LARGE1: variants seen among roughly 807,000 people sequenced by gnomAD.
LARGE1 encodes LARGE xylosyl- and glucuronyltransferase 1, also known as xylosyl- and glucuronyltransferase LARGE1.
A neutral mutation model predicts 87.6 loss-of-function variants in LARGE1; 43 were observed. The observed-to-expected ratio is 0.49, with a 90% CI of 0.38 to 0.63. The LOEUF (loss-of-function observed/expected upper bound fraction) is 0.63, where lower values mean the gene tolerates loss of function less well. LARGE1 is among the 30% of genes least tolerant of loss of function. LARGE1 has a pLI of 0.00. For missense variants in LARGE1, 802 were observed against 1,000.2 expected (o/e 0.80, Z 2.67); for synonymous variants, 434 against 394.6 (o/e 1.10, Z -1.18).
At chr22:33,746,968 A>AC (rs1228183614) in intron 2 of LARGE1, among the ~76,000 whole-genome samples, 1 of 152,112 alleles carries the variant, frequency 6.6e-6, no homozygotes, top group East Asian at 1.9e-4. Flanking sequence ...CCCCTGAGGA[A>AC]CCCCATTTAG....
intron 2 of LARGE1, among the ~76,000 whole-genome samples, chr22:33,663,515 G>A (rs1419412426): frequency 6.6e-6 from 1 of 152,136 alleles, no homozygotes; most frequent in Admixed American, 6.5e-5. Flanking sequence ...GAGGACCAAG[G>A]GGAAGCCTAT....
intron 13 of LARGE1, among the ~76,000 whole-genome samples, chr22:33,278,726 T>C (rs1929843272): frequency 6.6e-6 from 1 of 152,102 alleles, no homozygotes; most frequent in African/African-American, 2.4e-5. Context: ...CTTTTTTTAT[T>C]TTTTTATTTT....
At chr22:33,706,018 A>T (rs1412532237) in intron 2 of LARGE1, among the ~76,000 whole-genome samples, 1 of 152,246 alleles carries the variant, frequency 6.6e-6, no homozygotes, top group African/African-American at 2.4e-5. Context: ...AAACACATCC[A>T]TCAATAAATG....
intron 2 of LARGE1, among the ~76,000 whole-genome samples, chr22:33,754,893 A>G (rs1408188978): frequency 6.6e-6 from 1 of 151,920 alleles, no homozygotes; most frequent in African/African-American, 2.4e-5. Flanking sequence ...CTTCCAGCAC[A>G]CTCTCTGGGA....
intron 11 of LARGE1, among the ~76,000 whole-genome samples, chr22:33,195,419 C>T (rs1602074120): frequency 6.6e-6 from 1 of 151,968 alleles, no homozygotes; most frequent in Non-Finnish European, 1.5e-5. Context: ...TCATTATTGG[C>T]TATATTTGGG....
chr22:33,216,064 G>A (rs1469333252), intron 11 of LARGE1, among the ~76,000 whole-genome samples: 1 of 152,158 alleles, frequency 6.6e-6, no homozygotes, highest in Non-Finnish European at 1.5e-5. Context: ...TTTCCATATA[G>A]ATAATCAGTT....
At chr22:33,250,446 C>T (rs113245122) in intron 11 of LARGE1, among the ~76,000 whole-genome samples, 46 of 152,210 alleles carry the variant, frequency 3.0e-4, no homozygotes, top group African/African-American at 1.1e-3. Flanking sequence ...TCTACACAGA[C>T]AATCATGTCA....
At chr22:33,781,879 GA>G (rs1410280318) in intron 1 of LARGE1, among the ~76,000 whole-genome samples, 2 of 152,116 alleles carry the variant, frequency 1.3e-5, no homozygotes, top group Non-Finnish European at 2.9e-5. Context: ...GTGGATAACA[GA>G]AAGCAGCAAG....
chr22:33,191,639 T>C (rs1338147268), intron 11 of LARGE1, among the ~76,000 whole-genome samples: 1 of 152,244 alleles, frequency 6.6e-6, no homozygotes, highest in Non-Finnish European at 1.5e-5. Context: ...GTTGAAATGT[T>C]GGCCAGTGGT....
rs544477961 is a variant in LARGE1, at chr22:33,243,914, A to G, written c.1730+60315T>C. Among the ~76,000 whole-genome samples the G allele has an allele frequency of 6.6e-5, 10 of 152,324 alleles. No individual in the cohort carries two copies. In the South Asian group the frequency reaches 2.1e-3, roughly 32 times the overall value. On this transcript the variant is annotated intron_variant, in intron 11 of 11. Transcript: ENST00000608642. Reference sequence around the variant, plus strand: ...AAAGTCCTGAAACCCACTCCAGGCAAAAGTGTAGGTATCATCATTCCAATA... The same window carrying G: ...AAAGTCCTGAAACCCACTCCAGGCAGAAGTGTAGGTATCATCATTCCAATA...
rs537267118 is a variant in LARGE1, at chr22:33,555,754, C to A, written c.787+9094G>T. On this transcript the variant is annotated intron_variant, in intron 6 of 14. Coordinates refer to ENST00000397394, the MANE Select transcript of LARGE1 (RefSeq NM_133642.5). ...GACCAGCCTGGCCAACATGGTGAAACCCCATCTCTACTAAAACTACAAAAA... is the reference window on the plus strand; with the variant it reads ...GACCAGCCTGGCCAACATGGTGAAAACCCATCTCTACTAAAACTACAAAAA... Among the ~76,000 whole-genome samples, 37 of 151,716 alleles carry A rather than the reference C, an allele frequency of 2.4e-4. 2 individuals carry two copies. The South Asian group carries it at 2.5e-3, about 10-fold the overall frequency.
intron 1 of LARGE1, among the ~76,000 whole-genome samples, chr22:33,856,386 C>T (rs5749683): frequency 0.81 from 122,886 of 152,150 alleles, 49,764 homozygotes; most frequent in South Asian, 0.88. Flanking sequence ...GAGGTCCATA[C>T]GAAGAGGCTG....
At chr22:33,749,215 A>G (rs566664279) in intron 2 of LARGE1, among the ~76,000 whole-genome samples, 3 of 152,224 alleles carry the variant, frequency 2.0e-5, no homozygotes, top group African/African-American at 7.2e-5. Flanking sequence ...CCTGGGTTCA[A>G]GCGATTCTCC....
chr22:33,664,049 C>G (rs547159099), intron 2 of LARGE1, among the ~76,000 whole-genome samples: 2 of 152,164 alleles, frequency 1.3e-5, no homozygotes, highest in Admixed American at 1.3e-4. Context: ...GTGGCTCTCA[C>G]CCCATGTGTA....
chr22:33,766,669 C>T (rs2084910704), intron 1 of LARGE1, among the ~76,000 whole-genome samples: 1 of 151,878 alleles, frequency 6.6e-6, no homozygotes, highest in East Asian at 2.0e-4. Context: ...AGGTGATCCA[C>T]CTGCCTCGGC....
rs188243825 is a variant in LARGE1, at chr22:33,433,738, A to T, written c.788-1473T>A. ...ATACCTTTTGAATTTACACTCTTGT[A>T]CTGTTGGCCAATTTGAGAAATAAAG... On this transcript the variant is annotated intron_variant, in intron 6 of 14. Transcript: ENST00000397394. 3.2e-3 allele frequency among the ~76,000 whole-genome samples: 487 copies of T among 152,172 alleles called. 9 individuals carry two copies. Among genetic ancestry groups the T allele is most frequent in the Non-Finnish European group, 5.8e-3 (397 of 68,010 alleles).
chr22:33,887,263 G>C (rs942386392), intron 1 of LARGE1, among the ~76,000 whole-genome samples: 3 of 152,174 alleles, frequency 2.0e-5, no homozygotes, highest in African/African-American at 7.2e-5. Flanking sequence ...TGGAGCCCTC[G>C]AGAATAGGAT....
chr22:33,396,628 A>C (rs547414780), intron 7 of LARGE1, among the ~76,000 whole-genome samples: 1 of 152,120 alleles, frequency 6.6e-6, no homozygotes, highest in South Asian at 2.1e-4. Flanking sequence ...TCATTCAATA[A>C]ATATATATTT....
chr22:33,498,049 A>T (rs769271343), intron 6 of LARGE1, among the ~76,000 whole-genome samples: 1 of 151,862 alleles, frequency 6.6e-6, no homozygotes, highest in Non-Finnish European at 1.5e-5. Flanking sequence ...TGCTCAGCTA[A>T]TTTTTTTGTA....
Sources: gnomAD v4.1 joint callset for allele counts (sites outside exome capture counted in the v4.1 genomes callset) on GRCh38, gnomAD v4.1.1 for gene constraint, MANE v1.5 for transcripts, NCBI Gene and HGNC (gene_info 2026-07-23, HGNC 2026-07-21) for gene names.